PAK5: variants seen among roughly 807,000 people sequenced by gnomAD.
PAK5 encodes the protein serine/threonine-protein kinase PAK 5.
PAK5 carries 16 observed loss-of-function variants against 65.9 expected under a neutral mutation model. That is an observed-to-expected ratio of 0.24 (90% confidence interval 0.16 to 0.37). PAK5 has a LOEUF of 0.37. Ranked by LOEUF, PAK5 falls within the 10% of genes least tolerant of loss-of-function variation. The pLI, the probability that PAK5 is intolerant of heterozygous loss-of-function variation, is 1.00. For missense variants in PAK5, 785 were observed against 903.9 expected, an observed-to-expected ratio of 0.87 and a Z score of 1.69; for synonymous variants, 371 against 354.9, an observed-to-expected ratio of 1.05 and a Z score of -0.51.
chr20:9,813,075 T>C (rs1158581341), intron 1 of PAK5, among the ~76,000 whole-genome samples: 1 of 152,148 alleles, frequency 6.6e-6, no homozygotes, highest in Non-Finnish European at 1.5e-5. Context: ...ACTATTGATA[T>C]AAGCAACAAT....
intron 3 of PAK5, among the ~76,000 whole-genome samples, chr20:9,600,519 A>T (rs2046341096): frequency 6.6e-6 from 1 of 152,202 alleles, no homozygotes; most frequent in Non-Finnish European, 1.5e-5. Flanking sequence ...TCTTTCTCTC[A>T]GTAATGTTTT....
chr20:9,758,277 T>C (rs898546157), intron 1 of PAK5, among the ~76,000 whole-genome samples: 2 of 152,174 alleles, frequency 1.3e-5, no homozygotes, highest in African/African-American at 4.8e-5. Context: ...GAACTCATCA[T>C]ACTATTAACA....
intron 2 of PAK5, among the ~76,000 whole-genome samples, chr20:9,657,707 T>C (rs2047287908): frequency 6.6e-6 from 1 of 152,158 alleles, no homozygotes; most frequent in Admixed American, 6.6e-5. Context: ...GTGATACAGA[T>C]ATTGGGTTGG....
rs113934763 is a variant in PAK5 at position 9,623,955 on chromosome 20, A to C, written c.204+20170T>G. ...CTTGTGCTTTACTGGTGGGGAGTAC[A>C]CTGGTACCGTCATTCTGGAGAGCCA... On this transcript the variant is annotated intron_variant, in intron 3 of 9. Transcript: ENST00000353224. Among the ~76,000 whole-genome samples, 690 of 152,316 alleles carry C rather than the reference A, an allele frequency of 4.5e-3. 5 individuals are homozygous for C. Among genetic ancestry groups the C allele is most frequent in the African/African-American group, 0.015 (643 of 41,554 alleles).
chr20:9,687,886 GGTGTGTGTGT>G (rs111641971), intron 2 of PAK5, among the ~76,000 whole-genome samples: 2 of 148,734 alleles, frequency 1.3e-5, no homozygotes, highest in East Asian at 2.0e-4. Context: ...AAGAGAGGGA[GGTGTGTGTGT>G]GTGTGTGTGT....
At chr20:9,568,125 T>TG (rs1408462914) in intron 4 of PAK5, among the ~76,000 whole-genome samples, 1 of 152,194 alleles carries the variant, frequency 6.6e-6, no homozygotes, top group African/African-American at 2.4e-5. Context: ...GCAAAGACGT[T>TG]GGCTTTTGCT....
At chr20:9,595,812 G>GAA (rs1568987528) in intron 3 of PAK5, among the ~76,000 whole-genome samples, 3 of 152,042 alleles carry the variant, frequency 2.0e-5, no homozygotes, top group African/African-American at 7.2e-5. Context: ...TAGAAAGCTT[G>GAA]GCTTTCCTAG....
intron 3 of PAK5, among the ~76,000 whole-genome samples, chr20:9,641,666 C>G (rs968658097): frequency 6.6e-6 from 1 of 152,000 alleles, no homozygotes; most frequent in African/African-American, 2.4e-5. Context: ...GAGGCTCGGC[C>G]GCACAGGAGC....
chr20:9,665,792 C>T (rs966631392), intron 2 of PAK5, among the ~76,000 whole-genome samples: 1 of 152,012 alleles, frequency 6.6e-6, no homozygotes, highest in Admixed American at 6.6e-5. Context: ...CTGTGCATGG[C>T]TGGTCATTTT....
chr20:9,743,372 T>A (rs2123592726), intron 1 of PAK5, among the ~76,000 whole-genome samples: 1 of 142,004 alleles, frequency 7.0e-6, no homozygotes, highest in Admixed American at 7.4e-5. Context: ...AGACTCTGTC[T>A]CAAAACAAGC....
At chr20:9,548,049 C>T (rs2045370709) in intron 7 of PAK5, among the ~76,000 whole-genome samples, 1 of 152,194 alleles carries the variant, frequency 6.6e-6, no homozygotes. Context: ...CTGGCGCAAA[C>T]ACACGAGTCC....
chr20:9,657,906 C>T (rs2047291138), intron 2 of PAK5, among the ~76,000 whole-genome samples: 1 of 152,182 alleles, frequency 6.6e-6, no homozygotes, highest in Admixed American at 6.5e-5. Flanking sequence ...AGTGGTCCAC[C>T]ATCTGTAAAC....
At chr20:9,817,426 T>TC (rs1569100061) in intron 1 of PAK5, among the ~76,000 whole-genome samples, 8 of 152,150 alleles carry the variant, frequency 5.3e-5, no homozygotes, top group Admixed American at 5.2e-4. Context: ...ACACACACAA[T>TC]AGTGATCTCT....
intron 1 of PAK5, among the ~76,000 whole-genome samples, chr20:9,829,714 T>C (rs1569104880): frequency 6.6e-6 from 1 of 152,202 alleles, no homozygotes; most frequent in Non-Finnish European, 1.5e-5. Flanking sequence ...GAGTCCCACA[T>C]GTTACAGATC....
chr20:9,702,610 A>G (rs1237025505), intron 2 of PAK5, among the ~76,000 whole-genome samples: 1 of 152,188 alleles, frequency 6.6e-6, no homozygotes, highest in African/African-American at 2.4e-5. Flanking sequence ...GTGGAAACCT[A>G]TAAAGGGCCC....
chr20:9,727,645 T>TTTAC (rs2048291412), intron 1 of PAK5, among the ~76,000 whole-genome samples: 1 of 56,182 alleles, frequency 1.8e-5, no homozygotes, highest in Non-Finnish European at 4.0e-5. Flanking sequence ...TTCTCCCCCA[T>TTTAC]TTATTTATTT....
intron 1 of PAK5, among the ~76,000 whole-genome samples, chr20:9,806,810 A>G (rs528596471): frequency 1.3e-5 from 2 of 152,314 alleles, no homozygotes; most frequent in Admixed American, 1.3e-4. Context: ...AATCACCACA[A>G]ACTTATGACT....
At chr20:9,719,661 C>G (rs1282353693) in intron 1 of PAK5, among the ~76,000 whole-genome samples, 2 of 152,128 alleles carry the variant, frequency 1.3e-5, no homozygotes, top group African/African-American at 4.8e-5. Context: ...AGAAAAAGCA[C>G]TTACAGCTTG....
chr20:9,571,547 C>T (rs188782232), intron 4 of PAK5, among the ~76,000 whole-genome samples: 2 of 152,372 alleles, frequency 1.3e-5, no homozygotes, highest in Non-Finnish European at 2.9e-5. Context: ...CACTGGCCCA[C>T]AGGCCGGCTC....
Sources: gnomAD v4.1 joint callset for allele counts (sites outside exome capture counted in the v4.1 genomes callset) on GRCh38, gnomAD v4.1.1 for gene constraint, MANE v1.5 for transcripts, NCBI Gene and HGNC (gene_info 2026-07-23, HGNC 2026-07-21) for gene names.